LATS1: variants seen among roughly 807,000 people sequenced by gnomAD.
The protein encoded by LATS1 is large tumor suppressor kinase 1.
Under a neutral mutation model 106.6 loss-of-function variants are expected in LATS1, and 25 were observed. That is an observed-to-expected ratio of 0.23 (90% CI 0.17 to 0.33). The LOEUF (loss-of-function observed/expected upper bound fraction) is 0.33. Ranked by LOEUF, LATS1 falls within the 10% of genes least tolerant of loss-of-function variation. The pLI is 1.00. For missense variants in LATS1, 1,040 were observed against 1,382.6 expected (o/e 0.75, Z 3.93); for synonymous variants, 465 against 455.6 (o/e 1.02, Z -0.26).
In LATS1 at chr6:149,674,224, G is replaced by A. The variant is rs192626791; in HGVS notation, c.2883+2036C>T. Reference sequence around the variant, plus strand: ...CAAGTAGCTGGGATTACAGGGGCGCGCCACCACACCCAGCTAATATTTGTA... The same window carrying A: ...CAAGTAGCTGGGATTACAGGGGCGCACCACCACACCCAGCTAATATTTGTA... On this transcript the variant is annotated intron_variant, in intron 7 of 7. Transcript: ENST00000543571. 4.7e-3 allele frequency among the ~76,000 whole-genome samples: 709 copies of A among 151,386 alleles called. 3 individuals carry two copies. The highest frequency in any genetic ancestry group is 9.6e-3 in the Admixed American group (146 of 15,202).
chr6:149,706,302 A>G (rs1783770216), intron 1 of LATS1, among the ~76,000 whole-genome samples: 1 of 149,100 alleles, frequency 6.7e-6, no homozygotes, highest in African/African-American at 2.5e-5. Context: ...CAGGAGTTCA[A>G]GACCAGCCTG....
intron 3 of LATS1, among the ~76,000 whole-genome samples, chr6:149,689,705 A>G (rs543379230): frequency 6.6e-6 from 1 of 152,142 alleles, no homozygotes; most frequent in Non-Finnish European, 1.5e-5. Context: ...TTAGAAAATG[A>G]CTTGGTTTTC....
intron 5 of LATS1, among the ~76,000 whole-genome samples, chr6:149,678,834 T>G (rs1369884949): frequency 6.6e-6 from 1 of 152,154 alleles, no homozygotes; most frequent in Non-Finnish European, 1.5e-5. Context: ...TAACTAGGTC[T>G]CAGTTTCTTC....
At chr6:149,678,171 A>C (rs1156590097) in intron 5 of LATS1, among the ~76,000 whole-genome samples, 13 of 140,912 alleles carry the variant, frequency 9.2e-5, no homozygotes, top group South Asian at 2.3e-4. Context: ...ATCCAAAAAA[A>C]AAAAAAAAAA....
chr6:149,709,084 A>G (rs1255561780), intron 1 of LATS1, among the ~76,000 whole-genome samples: 1 of 152,124 alleles, frequency 6.6e-6, no homozygotes, highest in East Asian at 1.9e-4. Flanking sequence ...CAAAAATAAA[A>G]TTCTAAGTCC....
In LATS1 at chr6:149,676,661, T is replaced by C; in HGVS notation, c.2670A>G (p.Arg890=). 6.2e-7 allele frequency: 1 copy of C among 1,614,124 alleles called. No homozygotes were observed. The highest frequency in any genetic ancestry group is 8.5e-7 in the Non-Finnish European group (1 of 1,180,010). Residue 890 remains arginine, a synonymous_variant, in exon 6 of 8, where the codon AGA becomes AGG. Coordinates refer to ENST00000543571, the MANE Select transcript of LATS1 (RefSeq NM_004690.4). ...CAGCTCTCCGCTCTAATGGCTTCAGTCTGTCTCCACATCGACAGCTTGAGG... is the reference window on the plus strand; with the variant it reads ...CAGCTCTCCGCTCTAATGGCTTCAGCCTGTCTCCACATCGACAGCTTGAGG... ...GDPSSCRCGD[R]LKPLERRAAR... is the part of the protein sequence containing the mutation.
chr6:149,659,206 G>A lies in LATS1; in HGVS notation c.*2523C>T, dbSNP rs566269995. 20 of 178,428 alleles carry A rather than the reference G, an allele frequency of 1.1e-4. No individual in the cohort carries two copies. The South Asian group carries it at 4.0e-3, about 35-fold the overall frequency. The allele number at this position is 178,428 out of a possible 1,614,324, so 11.1% of individuals were successfully genotyped here. Reference sequence around the variant, plus strand: ...ATTTGCGCCAGGCGCGGTGGGTCACGTCTGTAATCCCAGCACTTTGGGAGG... The same window carrying A: ...ATTTGCGCCAGGCGCGGTGGGTCACATCTGTAATCCCAGCACTTTGGGAGG... On this transcript the variant is annotated 3_prime_UTR_variant, in exon 8 of 8. Coordinates refer to ENST00000543571, the MANE Select transcript of LATS1 (RefSeq NM_004690.4).
chr6:149,705,598 G>GA lies in LATS1; in HGVS notation c.-140-3333dup, dbSNP rs200249597. Among the ~76,000 whole-genome samples, 921 of 142,544 alleles carry GA rather than the reference G, an allele frequency of 6.5e-3. 7 individuals are homozygous for GA. Among genetic ancestry groups the GA allele is most frequent in the African/African-American group, 0.02 (795 of 38,900 alleles). The allele number at this position is 142,544 out of a possible 152,430, so 93.5% of individuals were successfully genotyped here. A position where few individuals can be genotyped will look rare whatever the true frequency, so the allele number is the denominator to read the frequency against. On this transcript the variant is annotated intron_variant, in intron 1 of 7. Coordinates refer to ENST00000543571, the MANE Select transcript of LATS1 (RefSeq NM_004690.4). ...GATCATTCTGACAGAGAGAGAGAGA[G>GA]AAAAAAAAAAGAAAAAAAGAAAAGA...
chr6:149,715,167 C>G (rs1784316703), intron 1 of LATS1, among the ~76,000 whole-genome samples: 1 of 152,070 alleles, frequency 6.6e-6, no homozygotes, highest in Admixed American at 6.6e-5. Context: ...CTCTCGGGTT[C>G]AAGTGATTCT....
intron 7 of LATS1, among the ~76,000 whole-genome samples, chr6:149,669,794 T>C (rs551574121): frequency 1.1e-4 from 16 of 151,742 alleles, no homozygotes; most frequent in African/African-American, 2.9e-4. Flanking sequence ...AACTACAACA[T>C]AAATAGTAGA....
intron 5 of LATS1, among the ~76,000 whole-genome samples, chr6:149,678,787 C>T (rs1021339392): frequency 6.6e-5 from 10 of 152,166 alleles, no homozygotes; most frequent in African/African-American, 2.4e-4. Flanking sequence ...AGCCCTTACA[C>T]TTGATTTCTG....
At chr6:149,678,166 A>AC (rs1781832150) in intron 5 of LATS1, among the ~76,000 whole-genome samples, 1 of 119,060 alleles carries the variant, frequency 8.4e-6, no homozygotes, top group African/African-American at 4.3e-5. Context: ...TAAAAATCCA[A>AC]AAAAAAAAAA....
intron 2 of LATS1, 145 bp downstream of exon 2, chr6:149,701,634 G>T (rs557731925): frequency 1.9e-6 from 1 of 537,294 alleles, no homozygotes. Context: ...AATTATAAAC[G>T]TAACATTCTT....
chr6:149,710,816 T>C (rs1784047329), intron 1 of LATS1, among the ~76,000 whole-genome samples: 1 of 152,204 alleles, frequency 6.6e-6, no homozygotes, highest in South Asian at 2.1e-4. Context: ...GAAGTGAGTA[T>C]TGGCTGCTAT....
At position 149,683,584 on chromosome 6, in the gene LATS1, C is replaced by T. The variant is rs772839695; in HGVS notation, c.1505G>A (p.Arg502His). 26 of 1,614,200 alleles carry T rather than the reference C, an allele frequency of 1.6e-5. No individual in the cohort carries two copies. The highest frequency in any genetic ancestry group is 6.7e-5 in the African/African-American group (5 of 75,050). Residue 502 changes from arginine (R) to histidine (H), a missense_variant, in exon 4 of 8, where the codon CGT (arginine) becomes CAT (histidine). By Grantham distance (29) the Arg-to-His change is conservative. Coordinates refer to ENST00000543571, the MANE Select transcript of LATS1 (RefSeq NM_004690.4). ...AGTCTGTAGCTCTGGTTTTAATACACGCATACTTTTCACAGGCTGTTGAAT... is the reference window on the plus strand; with the variant it reads ...AGTCTGTAGCTCTGGTTTTAATACATGCATACTTTTCACAGGCTGTTGAAT... ...APIQQPVKSM[R>H]VLKPELQTAL...
Position 149,659,858 on chromosome 6 carries a change from A to C in LATS1, c.*1871T>G, listed in dbSNP as rs978740181. On this transcript the variant is annotated 3_prime_UTR_variant, in exon 8 of 8. Transcript: ENST00000543571. The stretch of plus-strand genomic sequence containing the variant: ...AGAAATCCTTCAGAAATATTTCTGT[A>C]TCAAGCTTGTAATGAGCCTAACATT... 2 of 226,694 alleles carry C rather than the reference A, an allele frequency of 8.8e-6. No homozygotes were observed. Among genetic ancestry groups the C allele is most frequent in the Non-Finnish European group, 1.8e-5 (2 of 114,160 alleles). The allele number at this position is 226,694 out of a possible 1,614,324, so 14.0% of individuals were successfully genotyped here.
At chr6:149,700,957 A>C (rs1046371519) in intron 2 of LATS1, among the ~76,000 whole-genome samples, 4 of 152,094 alleles carry the variant, frequency 2.6e-5, no homozygotes, top group African/African-American at 9.7e-5. Flanking sequence ...CTAATTTGAT[A>C]TCTTTAGTAG....
chr6:149,666,993 A>G (rs1038671162), intron 7 of LATS1, among the ~76,000 whole-genome samples: 3 of 152,006 alleles, frequency 2.0e-5, no homozygotes, highest in African/African-American at 7.2e-5. Flanking sequence ...TCATGAAATG[A>G]AAGATAGGTC....
chr6:149,684,332 C>G lies in LATS1; in HGVS notation c.757G>C (p.Gly253Arg). 1 of 1,613,460 alleles carries G rather than the reference C, an allele frequency of 6.2e-7. No homozygotes were observed. The highest frequency in any genetic ancestry group is 8.5e-7 in the Non-Finnish European group (1 of 1,179,860). Residue 253 changes from glycine to arginine, a missense_variant, in exon 4 of 8, where the codon GGC (glycine) becomes CGC (arginine). Physicochemically the swap from Gly to Arg is moderately radical, Grantham distance 125. This residue lies in a region of LATS1 where 624 missense variants were observed against 714.8 expected (regional missense o/e 0.87). Transcript: ENST00000543571. The part of the protein sequence containing the change: ...RSVTPPPPPR[G>R]QTPPPRGTTP... ...GTACCTCTTGGAGGGGGAGTCTGGCCTCTTGGAGGTGGTGGAGGAGTAACA... is the reference window on the plus strand; with the variant it reads ...GTACCTCTTGGAGGGGGAGTCTGGCGTCTTGGAGGTGGTGGAGGAGTAACA...
Sources: allele counts gnomAD v4.1 joint callset (sites outside exome capture counted in the v4.1 genomes callset), GRCh38; gene constraint gnomAD v4.1.1; regional missense constraint gnomAD v4.1.1; transcripts MANE v1.5; gene names NCBI Gene and HGNC (gene_info 2026-07-23, HGNC 2026-07-21).